GNG7: variants seen among roughly 807,000 people sequenced by gnomAD.
GNG7 encodes the protein guanine nucleotide-binding protein G(I)/G(S)/G(O) subunit gamma-7.
A neutral mutation model predicts 4.0 loss-of-function variants in GNG7; 1 was observed. The observed-to-expected ratio is 0.25, with a 90% confidence interval of 0.09 to 1.18. The LOEUF (loss-of-function observed/expected upper bound fraction) is 1.18, where lower values mean the gene tolerates loss of function less well. Among genes scored for constraint, GNG7 ranks in the 50% most tolerant of loss-of-function variants. The pLI is 0.50. For synonymous variants in GNG7, 34 were observed against 36.9 expected (o/e 0.92, Z 0.29); for missense variants, 86 against 91.9 (o/e 0.94, Z 0.26).
At chr19:2,607,174 T>A (rs1981410230) in intron 2 of GNG7, among the ~76,000 whole-genome samples, 1 of 150,602 alleles carries the variant, frequency 6.6e-6, no homozygotes, top group African/African-American at 2.4e-5. Flanking sequence ...TGAGCTGTGA[T>A]CGCACCACTG....
chr19:2,535,027 C>A (rs1050101123), intron 3 of GNG7, among the ~76,000 whole-genome samples: 1 of 152,180 alleles, frequency 6.6e-6, no homozygotes, highest in Non-Finnish European at 1.5e-5. Flanking sequence ...TATCTGTGCA[C>A]CCCATGGACC....
intron 2 of GNG7, chr19:2,642,829 T>A (rs1982545006): frequency 2.2e-6 from 1 of 456,624 alleles, no homozygotes; most frequent in African/African-American, 2.0e-5. Context: ...ACACCAAACC[T>A]GTGGCAGCCC....
intron 1 of GNG7, among the ~76,000 whole-genome samples, chr19:2,664,024 C>T (rs1276122363): frequency 6.6e-6 from 1 of 152,150 alleles, no homozygotes; most frequent in African/African-American, 2.4e-5. Context: ...CAGTTGAGAC[C>T]CAATGCTCTA....
In GNG7 at chr19:2,634,612, G is replaced by A. The variant is rs1406497613; in HGVS notation, c.-78+11612C>T. ...CGGGCTGCACACACGTTTTCTCTCG[G>A]GGAGGGTGGTAGCAATGAGCTGTGA... is the stretch of plus-strand genomic sequence containing the variant. On this transcript the variant is annotated intron_variant, in intron 2 of 4. Transcript: ENST00000382159. This position sits in a 1 kb window ranked among gnomAD's most constrained non-coding sequence, Gnocchi z 5.3. 2.6e-5 allele frequency among the ~76,000 whole-genome samples: 4 copies of A among 152,174 alleles called. No homozygotes were observed. Among genetic ancestry groups the A allele is most frequent in the Non-Finnish European group, 4.4e-5 (3 of 68,040 alleles).
rs564812342 is a variant in GNG7 at position 2,513,015 on chromosome 19, C to T, written c.*2007G>A. The T allele has an allele frequency of 2.0e-3, 1,937 of 985,458 alleles. 5 individuals are homozygous for T. Among genetic ancestry groups the T allele is most frequent in the Admixed American group, 2.8e-3 (45 of 16,292 alleles). The allele number at this position is 985,458 out of a possible 1,614,324, so 61.0% of individuals were successfully genotyped here. On this transcript the variant is annotated 3_prime_UTR_variant, in exon 5 of 5. Coordinates refer to ENST00000382159, the MANE Select transcript of GNG7 (RefSeq NM_052847.3). ...AGCAGGTTTGGCGGGTAGGGCTCCC[C>T]GAAGCCCCAGCCCTCCCGGACCTGC...
intron 2 of GNG7, among the ~76,000 whole-genome samples, chr19:2,629,220 C>G (rs1982097118): frequency 6.6e-6 from 1 of 152,180 alleles, no homozygotes; most frequent in Non-Finnish European, 1.5e-5. Flanking sequence ...GAAGGTTGAG[C>G]AAATGGATAG....
chr19:2,613,132 T>G (rs1351980243), intron 2 of GNG7, among the ~76,000 whole-genome samples: 1 of 150,702 alleles, frequency 6.6e-6, no homozygotes, highest in African/African-American at 2.5e-5. Context: ...GAAAAGGAAT[T>G]CAGACAAAGA....
chr19:2,659,431 A>G (rs1417769087), intron 1 of GNG7, among the ~76,000 whole-genome samples: 1 of 150,646 alleles, frequency 6.6e-6, no homozygotes. Flanking sequence ...CTCTACTAAA[A>G]ATACAAAAAT....
chr19:2,605,964 A>T (rs540878114), intron 2 of GNG7, among the ~76,000 whole-genome samples: 1 of 152,320 alleles, frequency 6.6e-6, no homozygotes, highest in Non-Finnish European at 1.5e-5. Context: ...TTTAGGAGCC[A>T]ATATCTTTGG....
intron 2 of GNG7, among the ~76,000 whole-genome samples, chr19:2,579,584 C>T (rs1980443378): frequency 6.6e-6 from 1 of 152,182 alleles, no homozygotes; most frequent in African/African-American, 2.4e-5. Flanking sequence ...GGGAGGAGGG[C>T]GAGGGGACGG....
Position 2,530,451 on chromosome 19 carries a change from TG to T in GNG7, c.-37-9727del, listed in dbSNP as rs544754681. On this transcript the variant is annotated intron_variant, in intron 3 of 4. Transcript: ENST00000382159. ...AAAAGCTGGACAGGGCTGGGTGCGGTGGCTCAAGCCTGTAATCCCAGCACTT... is the reference window on the plus strand; with the variant it reads ...AAAAGCTGGACAGGGCTGGGTGCGGTGCTCAAGCCTGTAATCCCAGCACTT... 1.8e-3 allele frequency among the ~76,000 whole-genome samples: 255 copies of T among 144,172 alleles called. 1 individual carries two copies. The highest frequency in any genetic ancestry group is 6.2e-3 in the African/African-American group (241 of 38,574). 94.6% of individuals were successfully genotyped at this position (144,172 alleles called of 152,430 possible). A position where few individuals can be genotyped will look rare whatever the true frequency, so the allele number is the denominator to read the frequency against.
intron 1 of GNG7, among the ~76,000 whole-genome samples, chr19:2,680,572 T>C (rs1485493955): frequency 1.0e-5 from 1 of 99,442 alleles, no homozygotes; most frequent in South Asian, 3.0e-4. Flanking sequence ...AAATTTACAA[T>C]TTTTTTTTTT....
At chr19:2,656,712 C>T (rs945988126) in intron 1 of GNG7, among the ~76,000 whole-genome samples, 6 of 152,196 alleles carry the variant, frequency 3.9e-5, no homozygotes, top group African/African-American at 7.2e-5. Flanking sequence ...CACAGCCGTG[C>T]GTGTTCACTT....
At chr19:2,629,119 G>A (rs921048489) in intron 2 of GNG7, among the ~76,000 whole-genome samples, 9 of 152,202 alleles carry the variant, frequency 5.9e-5, no homozygotes, top group Non-Finnish European at 1.3e-4. Flanking sequence ...TATGCATCAG[G>A]CTCTGTGCAA....
intron 3 of GNG7, among the ~76,000 whole-genome samples, chr19:2,527,954 G>T (rs763515060): frequency 3.9e-5 from 6 of 152,114 alleles, no homozygotes; most frequent in Non-Finnish European, 7.4e-5. Context: ...CTGACTGAAG[G>T]CCCCAAAAAT....
chr19:2,547,381 C>T (rs1272297758), intron 3 of GNG7, among the ~76,000 whole-genome samples: 1 of 152,116 alleles, frequency 6.6e-6, no homozygotes, highest in African/African-American at 2.4e-5. Flanking sequence ...CGCCTTTCGC[C>T]TAGAGGTGCC....
chr19:2,648,877 TTTTTTTG>T (rs1295389210), intron 1 of GNG7, among the ~76,000 whole-genome samples: 47 of 151,902 alleles, frequency 3.1e-4, no homozygotes, highest in Middle Eastern at 3.4e-3. Context: ...CATGTGTTTT[TTTTTTTG>T]TTTTTTGTTT....
chr19:2,581,061 G>A (rs895388436), intron 2 of GNG7, among the ~76,000 whole-genome samples: 3 of 152,048 alleles, frequency 2.0e-5, no homozygotes, highest in Admixed American at 1.3e-4. Context: ...CACTGCGCCC[G>A]GCCTCTGCCT....
chr19:2,529,713 A>T (rs1054815991), intron 3 of GNG7, among the ~76,000 whole-genome samples: 4 of 152,198 alleles, frequency 2.6e-5, no homozygotes, highest in African/African-American at 7.2e-5. Flanking sequence ...GGGGACTGTG[A>T]GTTGCATCAG....
Sources: gnomAD v4.1 joint callset for allele counts (sites outside exome capture counted in the v4.1 genomes callset) on GRCh38, gnomAD v4.1.1 for gene constraint, Gnocchi (gnomAD v3.1) non-coding constraint, MANE v1.5 for transcripts, NCBI Gene and HGNC (gene_info 2026-07-23, HGNC 2026-07-21) for gene names.